Variants in EFHC2 observed in about 807,000 individuals in gnomAD.
EFHC2 encodes the protein EF-hand domain-containing family member C2.
EFHC2 carries 18 observed loss-of-function variants against 52.7 expected under a neutral mutation model. The observed-to-expected ratio is 0.34, with a 90% CI of 0.24 to 0.51. The LOEUF is 0.51. EFHC2 is among the 20% of genes least tolerant of loss of function. EFHC2 has a pLI of 0.97. For synonymous variants in EFHC2, 203 were observed against 204.1 expected, an observed-to-expected ratio of 0.99 and a Z score of 0.04; for missense variants, 513 against 562.5, an observed-to-expected ratio of 0.91 and a Z score of 0.89.
intron 2 of EFHC2, chrX:44,310,484 G>T: frequency 1.7e-6 from 1 of 582,305 alleles, no homozygotes; most frequent in Non-Finnish European, 2.6e-6. Context: ...CATGGTGGTA[G>T]CGCGGCAAAG....
intron 13 of EFHC2, among the ~76,000 whole-genome samples, chrX:44,168,462 G>T (rs1024666516): frequency 5.4e-5 from 6 of 110,144 alleles, no homozygotes; most frequent in African/African-American, 2.0e-4. Context: ...AACCCGGGAG[G>T]CGGAGCTTGC....
At chrX:44,318,993 G>A (rs1407145699) in intron 1 of EFHC2, among the ~76,000 whole-genome samples, 2 of 105,753 alleles carry the variant, frequency 1.9e-5, no homozygotes, top group African/African-American at 3.5e-5. Flanking sequence ...AAGGTCTGAA[G>A]GCAAAAGACT....
At chrX:44,264,726 A>G (rs892798427) in intron 3 of EFHC2, among the ~76,000 whole-genome samples, 2 of 112,222 alleles carry the variant, frequency 1.8e-5, no homozygotes, top group Non-Finnish European at 3.8e-5. Flanking sequence ...GGATTTCTCA[A>G]CTGTGTCCTT....
intron 1 of EFHC2, among the ~76,000 whole-genome samples, chrX:44,315,490 G>C (rs2037977648): frequency 9.0e-6 from 1 of 111,242 alleles, no homozygotes; most frequent in African/African-American, 3.3e-5. Flanking sequence ...TGTTTTAGCA[G>C]TGTTATTACT....
At chrX:44,334,185 C>T (rs898521960) in intron 1 of EFHC2, among the ~76,000 whole-genome samples, 3 of 111,748 alleles carry the variant, frequency 2.7e-5, no homozygotes, top group African/African-American at 9.8e-5. Context: ...TGCATGGTGA[C>T]CAAAATTAGG....
chrX:44,296,590 A>G (rs1159724164), intron 2 of EFHC2, among the ~76,000 whole-genome samples: 2 of 111,970 alleles, frequency 1.8e-5, no homozygotes, highest in African/African-American at 6.5e-5. Flanking sequence ...ATGGTATAAA[A>G]TCTATGAGTA....
At chrX:44,200,907 T>C (rs1322268560) in intron 11 of EFHC2, among the ~76,000 whole-genome samples, 1 of 111,860 alleles carries the variant, frequency 8.9e-6, no homozygotes, top group Non-Finnish European at 1.9e-5. Context: ...CAAAAGACAA[T>C]AGAGTATCTT....
At chrX:44,272,373 C>T (rs185309733) in intron 3 of EFHC2, among the ~76,000 whole-genome samples, 7 of 111,979 alleles carry the variant, frequency 6.3e-5, no homozygotes, top group Non-Finnish European at 1.1e-4. Flanking sequence ...GATCTGCTCA[C>T]GGCAAGGCGA....
chrX:44,266,684 A>G (rs1307578051), intron 3 of EFHC2, among the ~76,000 whole-genome samples: 1 of 111,224 alleles, frequency 9.0e-6, no homozygotes, highest in African/African-American at 3.3e-5. Flanking sequence ...ACATAATTAT[A>G]CTAAAAACTT....
intron 2 of EFHC2, among the ~76,000 whole-genome samples, chrX:44,276,864 T>C (rs2037661762): frequency 8.9e-6 from 1 of 112,195 alleles, no homozygotes; most frequent in African/African-American, 3.2e-5. Flanking sequence ...AAGCCTAATT[T>C]CTTAGAATAA....
intron 1 of EFHC2, among the ~76,000 whole-genome samples, chrX:44,328,860 A>G (rs767926421): frequency 9.0e-6 from 1 of 111,467 alleles, no homozygotes; most frequent in Admixed American, 9.5e-5. Flanking sequence ...ACGTCAAGTA[A>G]CCAATGGGAA....
At chrX:44,317,889 A>G (rs2037993281) in intron 1 of EFHC2, among the ~76,000 whole-genome samples, 1 of 112,788 alleles carries the variant, frequency 8.9e-6, no homozygotes, top group Admixed American at 9.4e-5. Flanking sequence ...GTTGGTGAGG[A>G]TGTGGAGACA....
chrX:44,236,607 G>A (rs962970129), intron 8 of EFHC2, among the ~76,000 whole-genome samples: 2 of 112,208 alleles, frequency 1.8e-5, no homozygotes, highest in African/African-American at 3.2e-5. Context: ...ACAAGAATCC[G>A]GGCTGAAAAA....
intron 11 of EFHC2, among the ~76,000 whole-genome samples, chrX:44,221,261 T>C (rs888702333): frequency 9.0e-6 from 1 of 111,553 alleles, no homozygotes; most frequent in Non-Finnish European, 1.9e-5. Context: ...GCTTTTGCCA[T>C]AGAGAGAGAT....
At position 44,174,756 on chromosome X, in the gene EFHC2, T is replaced by C. The variant is rs1462046259; in HGVS notation, c.2042+1536A>G. On this transcript the variant is annotated intron_variant, in intron 13 of 14. Transcript: ENST00000420999. The stretch of plus-strand genomic sequence containing the variant: ...GGGGAGTTTTGGGAGTGGGGGATGA[T>C]ATCTGTGAAGAACTCTGAGTCCAAG... Among the ~76,000 whole-genome samples the C allele has an allele frequency of 1.8e-4, 20 of 110,310 alleles. 1 individual carries two copies. In the Admixed American group the frequency reaches 1.9e-3, roughly 11 times the overall value.
At chrX:44,189,098 C>T (rs757883746) in intron 11 of EFHC2, among the ~76,000 whole-genome samples, 1 of 84,126 alleles carries the variant, frequency 1.2e-5, no homozygotes, top group South Asian at 6.4e-4. Flanking sequence ...CCAGCCTGGG[C>T]GACAACGAAG....
At chrX:44,174,841 T>C (rs180948010) in intron 13 of EFHC2, among the ~76,000 whole-genome samples, 144 of 111,083 alleles carry the variant, frequency 1.3e-3, no homozygotes, top group East Asian at 1.1e-3. Context: ...TGCTAGCAAA[T>C]AAAAGCAAAT....
At chrX:44,274,848 C>T (rs1423556047) in intron 2 of EFHC2, among the ~76,000 whole-genome samples, 1 of 111,035 alleles carries the variant, frequency 9.0e-6, no homozygotes, top group African/African-American at 3.3e-5. Flanking sequence ...GTTATGACCT[C>T]GCCACTGCAC....
chrX:44,298,721 C>T (rs1160985399), intron 2 of EFHC2, among the ~76,000 whole-genome samples: 1 of 108,687 alleles, frequency 9.2e-6, no homozygotes, highest in African/African-American at 3.4e-5. Flanking sequence ...ATTAGCCAGG[C>T]GTGCTGGCGG....
Sources: gnomAD v4.1 joint callset for allele counts (sites outside exome capture counted in the v4.1 genomes callset) on GRCh38, gnomAD v4.1.1 for gene constraint, MANE v1.5 for transcripts, NCBI Gene and HGNC (gene_info 2026-07-23, HGNC 2026-07-21) for gene names.